RETREG1: variants seen among roughly 807,000 people sequenced by gnomAD.
The protein encoded by RETREG1 is family with sequence similarity 134 member B.
In RETREG1, 44 loss-of-function variants were observed where a neutral mutation model predicts 54.8. That is an observed-to-expected ratio of 0.80 (90% CI 0.63 to 1.03). The LOEUF (loss-of-function observed/expected upper bound fraction) is 1.03, where lower values mean the gene tolerates loss of function less well. Ranked by LOEUF, RETREG1 falls within the 50% of genes least tolerant of loss-of-function variation. The pLI is 0.00. For synonymous variants in RETREG1, 217 were observed against 238.5 expected (o/e 0.91, Z 0.83); for missense variants, 554 against 605.1 (o/e 0.92, Z 0.89).
chr5:16,506,480 T>G (rs1214824321), intron 3 of RETREG1, among the ~76,000 whole-genome samples: 15 of 84,152 alleles, frequency 1.8e-4, no homozygotes, highest in East Asian at 3.9e-4. Context: ...TTTTTTTGTT[T>G]TTTTTTTTTT....
At chr5:16,555,344 G>A (rs1356660627) in intron 3 of RETREG1, among the ~76,000 whole-genome samples, 2 of 152,060 alleles carry the variant, frequency 1.3e-5, no homozygotes, top group Non-Finnish European at 2.9e-5. Context: ...TAGAGACGGG[G>A]TTTCACCATG....
chr5:16,506,668 G>A (rs982712166), intron 3 of RETREG1, among the ~76,000 whole-genome samples: 1 of 152,046 alleles, frequency 6.6e-6, no homozygotes, highest in African/African-American at 2.4e-5. Flanking sequence ...TTACAGGTGT[G>A]AGCCACGGCA....
At chr5:16,509,455 G>A (rs1029931222) in intron 3 of RETREG1, 1 of 152,108 alleles carries the variant, frequency 6.6e-6, no homozygotes, top group Admixed American at 6.6e-5. Flanking sequence ...AAGGATTGTG[G>A]GTCTGGATGT....
chr5:16,548,334 C>T (rs1317144465), intron 3 of RETREG1, among the ~76,000 whole-genome samples: 2 of 152,080 alleles, frequency 1.3e-5, no homozygotes, highest in Non-Finnish European at 2.9e-5. Flanking sequence ...TGGGTTTGTG[C>T]TCTTATGCCC....
intron 1 of RETREG1, among the ~76,000 whole-genome samples, chr5:16,590,107 A>G (rs1742719913): frequency 6.6e-6 from 1 of 152,250 alleles, no homozygotes; most frequent in Admixed American, 6.5e-5. Context: ...TTCTAAACTG[A>G]GAATGAACCT....
At chr5:16,514,458 T>C (rs1740281066) in intron 3 of RETREG1, among the ~76,000 whole-genome samples, 1 of 152,234 alleles carries the variant, frequency 6.6e-6, no homozygotes, top group Non-Finnish European at 1.5e-5. Context: ...TTCACTTGTA[T>C]CTTCAGTATA....
At chr5:16,559,785 T>C (rs1291413085) in intron 3 of RETREG1, among the ~76,000 whole-genome samples, 1 of 152,254 alleles carries the variant, frequency 6.6e-6, no homozygotes, top group Admixed American at 6.5e-5. Flanking sequence ...ACATGCATAC[T>C]TTCTCATTCG....
intron 3 of RETREG1, among the ~76,000 whole-genome samples, chr5:16,486,471 G>A (rs1164210008): frequency 6.6e-6 from 1 of 152,182 alleles, no homozygotes; most frequent in Non-Finnish European, 1.5e-5. Context: ...TTCAATTTAG[G>A]TTATACAGAA....
intron 3 of RETREG1, among the ~76,000 whole-genome samples, chr5:16,529,485 C>T (rs1300060717): frequency 2.6e-5 from 4 of 152,154 alleles, no homozygotes; most frequent in African/African-American, 7.2e-5. Flanking sequence ...TGCCCTGCCA[C>T]ATGGGTCGCC....
intron 1 of RETREG1, among the ~76,000 whole-genome samples, chr5:16,581,826 C>A (rs1742492933): frequency 6.6e-6 from 1 of 152,060 alleles, no homozygotes; most frequent in Non-Finnish European, 1.5e-5. Flanking sequence ...TAGAATACAA[C>A]CTTTTAAAAT....
intron 1 of RETREG1, among the ~76,000 whole-genome samples, chr5:16,590,033 G>C (rs1028338735): frequency 6.6e-6 from 1 of 152,224 alleles, no homozygotes; most frequent in African/African-American, 2.4e-5. Context: ...AAGCATGAGA[G>C]AGAACTGGCA....
chr5:16,536,570 C>A (rs867996156), intron 3 of RETREG1, among the ~76,000 whole-genome samples: 2 of 152,166 alleles, frequency 1.3e-5, no homozygotes, highest in Admixed American at 6.5e-5. Context: ...CCAAGAGACA[C>A]CAGGACACAG....
chr5:16,597,365 G>GT lies in RETREG1; in HGVS notation c.320+19286dup, dbSNP rs2126352178. ...GCTCCACACCCATTAGTTCTGAATT[G>GT]TAACATTATCCTTATTCACTGATTT... On this transcript the variant is annotated intron_variant, in intron 1 of 8. Transcript: ENST00000306320. The surrounding 1 kb of genome is among the most constrained non-coding windows in gnomAD (Gnocchi z 4.3). Among the ~76,000 whole-genome samples, 1 of 152,322 alleles carries GT rather than the reference G, an allele frequency of 6.6e-6. No individual in the cohort carries two copies. Among genetic ancestry groups the GT allele is most frequent in the South Asian group, 2.1e-4 (1 of 4,822 alleles).
intron 3 of RETREG1, among the ~76,000 whole-genome samples, chr5:16,499,117 CA>C (rs1245165206): frequency 6.6e-6 from 1 of 150,490 alleles, no homozygotes; most frequent in Non-Finnish European, 1.5e-5. Flanking sequence ...AACTAAGACA[CA>C]AACACACACA....
At chr5:16,604,455 G>C (rs1181644781) in intron 1 of RETREG1, among the ~76,000 whole-genome samples, 3 of 152,206 alleles carry the variant, frequency 2.0e-5, no homozygotes, top group Non-Finnish European at 4.4e-5. Context: ...CAGGAATTCC[G>C]TTAATTATGC....
At chr5:16,604,887 G>A (rs985071315) in intron 1 of RETREG1, among the ~76,000 whole-genome samples, 12 of 152,130 alleles carry the variant, frequency 7.9e-5, no homozygotes, top group Non-Finnish European at 1.3e-4. Flanking sequence ...GTTCGAAATC[G>A]TACATGGATA....
intron 3 of RETREG1, among the ~76,000 whole-genome samples, chr5:16,514,815 G>A (rs886711887): frequency 6.6e-6 from 1 of 151,378 alleles, no homozygotes; most frequent in Non-Finnish European, 1.5e-5. Context: ...ACTTCACGTA[G>A]AATAACGGTC....
chr5:16,590,914 A>AAAC (rs1742753058), intron 1 of RETREG1, among the ~76,000 whole-genome samples: 1 of 151,276 alleles, frequency 6.6e-6, no homozygotes, highest in African/African-American at 2.4e-5. Flanking sequence ...AACACAAAAA[A>AAAC]ACACACACAT....
chr5:16,565,699 G>T, intron 3 of RETREG1, 64 bp downstream of exon 3: 4 of 1,516,528 alleles, frequency 2.6e-6, no homozygotes, highest in South Asian at 1.1e-5. Context: ...GCTACATCTT[G>T]GTGGCTCAGT....
Sources: allele counts gnomAD v4.1 joint callset (sites outside exome capture counted in the v4.1 genomes callset), GRCh38; gene constraint gnomAD v4.1.1; non-coding constraint Gnocchi (gnomAD v3.1); transcripts MANE v1.5; gene names NCBI Gene and HGNC (gene_info 2026-07-23, HGNC 2026-07-21).